Variants in SIRPG observed in about 807,000 individuals in gnomAD.
The protein encoded by SIRPG is signal-regulatory protein gamma.
A neutral mutation model predicts 35.7 loss-of-function variants in SIRPG; 38 were observed. The observed-to-expected ratio is 1.06, with a 90% CI of 0.82 to 1.40. The LOEUF (loss-of-function observed/expected upper bound fraction) is 1.40, where lower values mean the gene tolerates loss of function less well. Among genes scored for constraint, SIRPG ranks in the 40% most tolerant of loss-of-function variants. The pLI, the probability that SIRPG is intolerant of heterozygous loss-of-function variation, is 0.00. For missense variants in SIRPG, 519 were observed against 483.0 expected (o/e 1.07, Z -0.70); for synonymous variants, 215 against 190.4 (o/e 1.13, Z -1.06).
chr20:1,682,917 A>AT, the SIRPG span, among the ~76,000 whole-genome samples: 2 of 152,344 alleles, frequency 1.3e-5, no homozygotes. Context: ...TGAATGTGGG[A>AT]TTACATACAT....
intron 1 of SIRPG, among the ~76,000 whole-genome samples, chr20:1,650,713 T>C (rs917635751): frequency 4.6e-5 from 7 of 152,150 alleles, no homozygotes; most frequent in African/African-American, 1.4e-4. Context: ...GTCAAAACCT[T>C]CACAAACTTA....
chr20:1,669,116 G>C, the SIRPG span, among the ~76,000 whole-genome samples: 1 of 152,096 alleles, frequency 6.6e-6, no homozygotes, highest in Non-Finnish European at 1.5e-5. Context: ...CAGATCCTTG[G>C]GACAATGTCT....
At chr20:1,673,997 G>A in the SIRPG span, among the ~76,000 whole-genome samples, 2 of 152,178 alleles carry the variant, frequency 1.3e-5, no homozygotes, top group African/African-American at 4.8e-5. Flanking sequence ...GTCCTGGCCA[G>A]GCCACTGGGG....
At chr20:1,657,406 T>TA (rs541414929) in intron 1 of SIRPG, among the ~76,000 whole-genome samples, 14 of 152,270 alleles carry the variant, frequency 9.2e-5, no homozygotes, top group South Asian at 8.3e-4. Flanking sequence ...TAAAATATTA[T>TA]AAAAATGTAA....
the SIRPG span, among the ~76,000 whole-genome samples, chr20:1,677,250 A>C: frequency 6.6e-6 from 1 of 152,148 alleles, no homozygotes; most frequent in African/African-American, 2.4e-5. Flanking sequence ...CCCTCTTTGG[A>C]AGTGTCATAC....
At chr20:1,677,892 T>C in the SIRPG span, among the ~76,000 whole-genome samples, 4 of 152,262 alleles carry the variant, frequency 2.6e-5, no homozygotes, top group South Asian at 6.2e-4. Flanking sequence ...TGTATTGAAT[T>C]TAGTATTTTT....
At chr20:1,632,478 A>G (rs2091759237) in intron 4 of SIRPG, among the ~76,000 whole-genome samples, 1 of 152,182 alleles carries the variant, frequency 6.6e-6, no homozygotes, top group African/African-American at 2.4e-5. Context: ...GTACCTGAGC[A>G]AAGATGCTAC....
At chr20:1,672,026 CAA>C in the SIRPG span, among the ~76,000 whole-genome samples, 1 of 152,164 alleles carries the variant, frequency 6.6e-6, no homozygotes, top group African/African-American at 2.4e-5. Flanking sequence ...CTATTCCCAA[CAA>C]GAGAGGGCAT....
chr20:1,679,029 A>AT, the SIRPG span, among the ~76,000 whole-genome samples: 1 of 152,224 alleles, frequency 6.6e-6, no homozygotes, highest in African/African-American at 2.4e-5. Flanking sequence ...ATATTCTCAG[A>AT]TAAATCCTCA....
upstream of SIRPG, among the ~76,000 whole-genome samples, chr20:1,662,032 C>T (rs945732960): frequency 1.3e-5 from 2 of 152,212 alleles, no homozygotes; most frequent in Admixed American, 6.5e-5. Flanking sequence ...ACCCAGTCCC[C>T]TGCACAACCC....
the SIRPG span, among the ~76,000 whole-genome samples, chr20:1,677,479 C>T: frequency 6.6e-6 from 1 of 152,170 alleles, no homozygotes. Context: ...TCTGCTCCAT[C>T]AGCCTGGATT....
chr20:1,680,664 C>T, the SIRPG span, among the ~76,000 whole-genome samples: 1 of 151,936 alleles, frequency 6.6e-6, no homozygotes, highest in African/African-American at 2.4e-5. Context: ...AAACAAATGA[C>T]AACAATGTAA....
the SIRPG span, among the ~76,000 whole-genome samples, chr20:1,685,919 C>T: frequency 1.6e-3 from 237 of 152,246 alleles, 1 homozygote; most frequent in Non-Finnish European, 1.7e-3. Flanking sequence ...TGGCCTTGGG[C>T]AGATGGTTTT....
At chr20:1,664,360 G>A in the SIRPG span, among the ~76,000 whole-genome samples, 1 of 152,282 alleles carries the variant, frequency 6.6e-6, no homozygotes. Flanking sequence ...GTATTCAAGA[G>A]GCAATAGAGA....
the SIRPG span, among the ~76,000 whole-genome samples, chr20:1,680,077 T>C: frequency 6.6e-6 from 1 of 152,358 alleles, no homozygotes; most frequent in East Asian, 1.9e-4. Context: ...CCTTTAAGTT[T>C]CTGTTAAATG....
the SIRPG span, among the ~76,000 whole-genome samples, chr20:1,679,361 A>G: frequency 6.6e-6 from 1 of 152,208 alleles, no homozygotes; most frequent in South Asian, 2.1e-4. Context: ...GACCAGGTAC[A>G]GCAGTGTGAT....
the SIRPG span, among the ~76,000 whole-genome samples, chr20:1,668,210 T>TCTTC: frequency 3.9e-3 from 167 of 42,608 alleles, 2 homozygotes; most frequent in African/African-American, 9.1e-3. Context: ...TTTCTTTCTT[T>TCTTC]CTTTCTTTCT....
At chr20:1,652,435 G>A (rs1160074991) in intron 1 of SIRPG, among the ~76,000 whole-genome samples, 2 of 152,156 alleles carry the variant, frequency 1.3e-5, no homozygotes, top group Non-Finnish European at 2.9e-5. Flanking sequence ...ATTTGTTGAT[G>A]CAACAATCCT....
intron 1 of SIRPG, among the ~76,000 whole-genome samples, chr20:1,657,137 G>C (rs1428741678): frequency 6.6e-6 from 1 of 152,174 alleles, no homozygotes; most frequent in East Asian, 1.9e-4. Context: ...AAGCCAAGGA[G>C]AAAGACCTCA....
Sources: gnomAD v4.1 joint callset for allele counts (sites outside exome capture counted in the v4.1 genomes callset) on GRCh38, gnomAD v4.1.1 for gene constraint, MANE v1.5 for transcripts, NCBI Gene and HGNC (gene_info 2026-07-23, HGNC 2026-07-21) for gene names.